The following COL21A1 variants were observed in gnomAD, a reference collection of about 807,000 sequenced individuals.
The protein encoded by COL21A1 is collagen type XXI alpha 1 chain.
A neutral mutation model predicts 137.9 loss-of-function variants in COL21A1; 149 were observed. The observed-to-expected ratio is 1.08, with a 90% confidence interval of 0.95 to 1.24. The LOEUF (loss-of-function observed/expected upper bound fraction) is 1.24, where lower values mean the gene tolerates loss of function less well. Ranked by LOEUF, COL21A1 falls within the 50% of genes most tolerant of loss-of-function variation. The pLI is 0.00. For missense variants in COL21A1, 1,167 were observed against 1,158.4 expected (o/e 1.01, Z -0.11); for synonymous variants, 456 against 391.5 (o/e 1.16, Z -1.95).
intron 1 of COL21A1, among the ~76,000 whole-genome samples, chr6:56,292,964 TG>T (rs1355766547): frequency 6.6e-6 from 1 of 152,202 alleles, no homozygotes; most frequent in Non-Finnish European, 1.5e-5. Context: ...TATATACATA[TG>T]TATTCAATTT....
chr6:56,251,711 G>A (rs145401785), upstream of COL21A1, among the ~76,000 whole-genome samples: 2 of 152,292 alleles, frequency 1.3e-5, no homozygotes, highest in Non-Finnish European at 2.9e-5. Context: ...ATTTAACCCA[G>A]GACATAAATA....
chr6:56,285,835 T>G (rs1349738979), intron 1 of COL21A1, among the ~76,000 whole-genome samples: 1 of 137,212 alleles, frequency 7.3e-6, no homozygotes, highest in Non-Finnish European at 1.5e-5. Context: ...AGGCACAGTC[T>G]TTGCAATAAA....
intron 1 of COL21A1, among the ~76,000 whole-genome samples, chr6:56,200,179 C>G (rs9464358): frequency 0.022 from 3,311 of 152,148 alleles, 122 homozygotes; most frequent in African/African-American, 0.075. Flanking sequence ...GGGAGCAAGA[C>G]GAAGAATGAC....
intron 1 of COL21A1, among the ~76,000 whole-genome samples, chr6:56,244,401 A>G (rs1237188519): frequency 6.6e-6 from 1 of 152,108 alleles, no homozygotes; most frequent in Non-Finnish European, 1.5e-5. Flanking sequence ...ACTTGCTCCT[A>G]TATGTCTCCA....
At chr6:56,306,066 T>C (rs1228582186) in intron 1 of COL21A1, among the ~76,000 whole-genome samples, 1 of 39,212 alleles carries the variant, frequency 2.6e-5, no homozygotes, top group African/African-American at 3.9e-5. Flanking sequence ...ATTGGCACTC[T>C]CTTCTGGCTT....
At position 56,210,872 on chromosome 6, in the gene COL21A1, A is replaced by G. The variant is rs189834616; in HGVS notation, c.-38-28216T>C. ...TAAGGAAACTTAAGAGGCATCAATT[A>G]CATGCAGTTGTGGACTTTGTTGAGA... On this transcript the variant is annotated intron_variant, in intron 1 of 29. Transcript: ENST00000244728. 7.2e-3 allele frequency among the ~76,000 whole-genome samples: 1,101 copies of G among 152,206 alleles called. 5 individuals carry two copies. The highest frequency in any genetic ancestry group is 0.012 in the Non-Finnish European group (800 of 67,988).
intron 9 of COL21A1, 104 bp downstream of exon 9, chr6:56,164,319 A>C: frequency 1.3e-6 from 1 of 776,122 alleles, no homozygotes; most frequent in East Asian, 2.7e-5. Context: ...ATAAGAAATC[A>C]GATAGAAATT....
At chr6:56,151,335 C>G (rs1288951117) in intron 10 of COL21A1, among the ~76,000 whole-genome samples, 1 of 152,210 alleles carries the variant, frequency 6.6e-6, no homozygotes, top group Non-Finnish European at 1.5e-5. Context: ...AGTGCTATTT[C>G]CACATATGGC....
At chr6:56,380,943 T>C (rs923220608) in intron 1 of COL21A1, among the ~76,000 whole-genome samples, 6 of 152,192 alleles carry the variant, frequency 3.9e-5, no homozygotes, top group African/African-American at 1.4e-4. Flanking sequence ...TGTCTTTAAA[T>C]AGAAATACAT....
chr6:56,350,396 T>C (rs1765686670), intron 1 of COL21A1, among the ~76,000 whole-genome samples: 1 of 152,234 alleles, frequency 6.6e-6, no homozygotes, highest in African/African-American at 2.4e-5. Context: ...AGAAGAATGT[T>C]AGCTGGGAGA....
At chr6:56,157,846 C>T (rs9382583) in intron 9 of COL21A1, among the ~76,000 whole-genome samples, 118,788 of 152,174 alleles carry the variant, frequency 0.78, 47,260 homozygotes, top group African/African-American at 0.93. Context: ...GCCAAACAAC[C>T]CTATTCCAAG....
At chr6:56,168,444 A>G (rs1237062727) in intron 5 of COL21A1, 147 bp from the exon 6 acceptor site, 4 of 508,542 alleles carry the variant, frequency 7.9e-6, no homozygotes, top group Non-Finnish European at 1.3e-5. Flanking sequence ...ACCCTGATCC[A>G]AGGTGGACCT....
chr6:56,272,547 A>C (rs752404175), intron 1 of COL21A1, among the ~76,000 whole-genome samples: 1 of 152,156 alleles, frequency 6.6e-6, no homozygotes, highest in Non-Finnish European at 1.5e-5. Flanking sequence ...TTGGTTTTGA[A>C]ATGAGAAAAG....
intron 1 of COL21A1, among the ~76,000 whole-genome samples, chr6:56,312,777 A>G (rs1193756966): frequency 3.9e-5 from 6 of 152,174 alleles, no homozygotes; most frequent in Non-Finnish European, 4.4e-5. Flanking sequence ...AATGAGAATA[A>G]TGGACTGATA....
intron 17 of COL21A1, among the ~76,000 whole-genome samples, 152 bp downstream of exon 17, chr6:56,101,320 T>C (rs1770438996): frequency 6.6e-6 from 1 of 152,200 alleles, no homozygotes; most frequent in African/African-American, 2.4e-5. Flanking sequence ...CAATATTTTA[T>C]GGTGTTTCAC....
At chr6:56,164,930 T>C (rs1273794641) in intron 7 of COL21A1, 108 bp from the exon 8 acceptor site, 1 of 939,792 alleles carries the variant, frequency 1.1e-6, no homozygotes. Context: ...ATATGAAGTA[T>C]GAAAACCAAC....
chr6:56,201,135 A>G (rs1224569251), intron 1 of COL21A1, among the ~76,000 whole-genome samples: 1 of 152,038 alleles, frequency 6.6e-6, no homozygotes, highest in Non-Finnish European at 1.5e-5. Context: ...TCCTTTGCCC[A>G]CTTTTTGATG....
intron 1 of COL21A1, among the ~76,000 whole-genome samples, chr6:56,367,151 G>C: frequency 6.6e-6 from 1 of 152,048 alleles, no homozygotes; most frequent in East Asian, 1.9e-4. Flanking sequence ...ATTTAGAATT[G>C]ATTTAAAATG....
intron 17 of COL21A1, among the ~76,000 whole-genome samples, chr6:56,082,437 G>A (rs776670658): frequency 2.0e-5 from 3 of 151,826 alleles, no homozygotes; most frequent in Non-Finnish European, 4.4e-5. Context: ...TCTAAAATGG[G>A]CTCTGATCCT....
Sources: gnomAD v4.1 joint callset for allele counts (sites outside exome capture counted in the v4.1 genomes callset) on GRCh38, gnomAD v4.1.1 for gene constraint, MANE v1.5 for transcripts, NCBI Gene and HGNC (gene_info 2026-07-23, HGNC 2026-07-21) for gene names.